MELTF: variants seen among roughly 807,000 people sequenced by gnomAD.
The protein encoded by MELTF is melanotransferrin.
Under a neutral mutation model 83.7 loss-of-function variants are expected in MELTF, and 67 were observed. The ratio of observed to expected loss-of-function variants is 0.80; its 90% CI spans 0.66 to 0.98. The LOEUF (loss-of-function observed/expected upper bound fraction) is 0.98. Ranked by LOEUF, MELTF falls within the 50% of genes least tolerant of loss-of-function variation. The pLI, the probability that MELTF is intolerant of heterozygous loss-of-function variation, is 0.00. For missense variants in MELTF, 1,002 were observed against 1,035.6 expected, an observed-to-expected ratio of 0.97 and a Z score of 0.44; for synonymous variants, 462 against 447.6, an observed-to-expected ratio of 1.03 and a Z score of -0.41.
chr3:197,021,708 C>T (rs564633137), intron 5 of MELTF, among the ~76,000 whole-genome samples: 4 of 152,332 alleles, frequency 2.6e-5, no homozygotes, highest in Middle Eastern at 3.4e-3. Context: ...CACAGGGCTG[C>T]TCTGAGGATG....
Position 197,010,698 on chromosome 3 carries a change from G to A in MELTF, c.1330C>T (p.Pro444Ser), listed in dbSNP as rs762942426. The change falls in exon 10 of 16, where the codon CCG (proline) becomes TCG (serine). Residue 444 changes from proline to serine, a missense_variant and splice_region_variant. Transcript: ENST00000296350. ...GCCAGGCGGCAGGCCCTGCACTCAC[G>A]GGCATAGTGCTCCCCGGCTGCGGGA... ...LVPAAGEHYA[P>S]EDSSNSYYVV... The A allele has an allele frequency of 2.0e-5, 32 of 1,612,004 alleles. No individual in the cohort carries two copies. The highest frequency in any genetic ancestry group is 1.7e-4 in the African/African-American group (13 of 74,918).
chr3:197,009,326 A>G (rs1423369896), intron 11 of MELTF, among the ~76,000 whole-genome samples: 1 of 152,152 alleles, frequency 6.6e-6, no homozygotes, highest in Non-Finnish European at 1.5e-5. Flanking sequence ...GTCAGTGGTT[A>G]GAAAAAAAAG....
chr3:197,015,413 G>A lies in MELTF; in HGVS notation c.1185C>T (p.Ile395=). The A allele has an allele frequency of 6.3e-7, 1 of 1,590,798 alleles. No homozygotes were observed. The highest frequency in any genetic ancestry group is 1.1e-5 in the South Asian group (1 of 87,278). ...AFRRQRLKPE[I]QCVSAKSPQH... is the part of the protein sequence containing the mutation. ...GGGGGGACTTGGCTGACACGCACTG[G>A]ATCTCTGGCTTGAGCCGCTGCCGGC... The change falls in exon 9 of 16, where the codon ATC becomes ATT. Residue 395 remains isoleucine, a synonymous_variant. Transcript: ENST00000296350.
chr3:197,015,535 G>A lies in MELTF; in HGVS notation c.1082-19C>T. ...GGCAGCCCTGGGGTGGGGCAAGCAA[G>A]CGGTCACTGCCAGGCCAGTACTGCC... On this transcript the variant is annotated intron_variant, in intron 8 of 15. Coordinates refer to ENST00000296350, the MANE Select transcript of MELTF (RefSeq NM_005929.6). The A allele has an allele frequency of 6.2e-7, 1 of 1,603,418 alleles. No homozygotes were observed. Among genetic ancestry groups the A allele is most frequent in the South Asian group, 1.1e-5 (1 of 89,706 alleles).
At chr3:197,012,904 G>T (rs1002516363) in intron 9 of MELTF, among the ~76,000 whole-genome samples, 1 of 152,250 alleles carries the variant, frequency 6.6e-6, no homozygotes, top group African/African-American at 2.4e-5. Context: ...GGTACCATTT[G>T]TGTCATATCT....
Position 197,003,921 on chromosome 3 carries a change from G to A in MELTF, c.2117C>T (p.Ser706Phe), listed in dbSNP as rs1444502078. The A allele has an allele frequency of 4.3e-6, 7 of 1,613,746 alleles. No homozygotes were observed. Among genetic ancestry groups the A allele is most frequent in the South Asian group, 1.1e-5 (1 of 91,092 alleles). ...CCTACCTGCGCCCGAGCACTGCTGA[G>A]ACGACATCCCTTCCAGCGCCGCCAC... ...DYVAALEGMS[S>F]QQCSGAAAPA... is the part of the protein sequence containing the mutation. Residue 706 changes from serine (S) to phenylalanine (F), a missense_variant, in exon 15 of 16, where the codon TCT becomes TTT. Coordinates refer to ENST00000296350, the MANE Select transcript of MELTF (RefSeq NM_005929.6). The surrounding 1 kb of genome is among the most constrained non-coding windows in gnomAD (Gnocchi z 6.2).
rs1267381486 is a variant in MELTF at position 197,006,090 on chromosome 3, G to A, written c.1938+459C>T. On this transcript the variant is annotated intron_variant, in intron 14 of 15. Transcript: ENST00000296350. The surrounding 1 kb of genome is among the most constrained non-coding windows in gnomAD (Gnocchi z 5.4). ...GAAAAAATTAGCCAGGCATGGTGGC[G>A]GGTGCCTGTAGTCCCAGCTACTCAG... Among the ~76,000 whole-genome samples the A allele has an allele frequency of 3.3e-5, 5 of 152,238 alleles. No homozygotes were observed. Among genetic ancestry groups the A allele is most frequent in the African/African-American group, 7.2e-5 (3 of 41,550 alleles).
intron 6 of MELTF, chr3:197,019,087 C>CA: frequency 1.0e-6 from 1 of 985,532 alleles, no homozygotes. Flanking sequence ...AAACCAAACA[C>CA]CCGCACCAGA....
rs41284047 is a variant in MELTF, at chr3:197,009,704, A to G, written c.1439T>C (p.Phe480Ser). The change falls in exon 11 of 16, where the codon TTC (phenylalanine) becomes TCC (serine). Residue 480 changes from phenylalanine (F) to serine (S), a missense_variant. Phe to Ser is a radical substitution (Grantham distance 155, BLOSUM62 -2). Transcript: ENST00000296350. The stretch of plus-strand genomic sequence containing the variant: ...GACATCCCAGCCTGCAGGGCTGCCG[A>G]AACCGGCGTGGCAGGAGCGCTTGCC... The part of the protein sequence containing the change: ...LRGKRSCHAG[F>S]GSPAGWDVPV... The G allele has an allele frequency of 0.018, 29,648 of 1,613,756 alleles. 344 individuals carry two copies. The highest frequency in any genetic ancestry group is 0.03 in the Middle Eastern group (179 of 6,062).
intron 9 of MELTF, among the ~76,000 whole-genome samples, chr3:197,013,567 A>G (rs962366176): frequency 2.0e-5 from 3 of 152,250 alleles, no homozygotes; most frequent in Non-Finnish European, 2.9e-5. Context: ...GAAAACAACG[A>G]ACAGAGTGAA....
intron 9 of MELTF, among the ~76,000 whole-genome samples, chr3:197,014,956 C>T (rs1430068737): frequency 6.6e-6 from 1 of 152,176 alleles, no homozygotes; most frequent in Non-Finnish European, 1.5e-5. Flanking sequence ...AAAAAAAAGT[C>T]GAACAATGAT....
chr3:197,012,076 C>T (rs960224889), intron 9 of MELTF, among the ~76,000 whole-genome samples: 14 of 152,248 alleles, frequency 9.2e-5, no homozygotes, highest in African/African-American at 2.7e-4. Context: ...CACCGTCACA[C>T]ACAGTCGCGC....
In MELTF at chr3:197,024,462, C is replaced by CGGCGT. The variant is rs772996856; in HGVS notation, c.323_327dup (p.Val110ThrfsTer12). The CGGCGT allele has an allele frequency of 1.1e-4, 169 of 1,597,724 alleles. No individual in the cohort carries two copies. The highest frequency in any genetic ancestry group is 1.4e-4 in the Non-Finnish European group (161 of 1,168,994). ...TGGGAGCTCCTCCTGACCACAGCCA[C>CGGCGT]GGCGTAATAGGAGGTACCGACCTCT... On this transcript the variant is annotated frameshift_variant, in exon 4 of 16. Coordinates refer to ENST00000296350, the MANE Select transcript of MELTF (RefSeq NM_005929.6). LOFTEE classifies it high-confidence loss of function. The surrounding 1 kb of genome is among the most constrained non-coding windows in gnomAD (Gnocchi z 5.3).
chr3:197,005,235 G>A (rs537782625), intron 14 of MELTF, among the ~76,000 whole-genome samples: 2 of 152,344 alleles, frequency 1.3e-5, no homozygotes, highest in South Asian at 2.1e-4. Context: ...TGTAGAGCAC[G>A]AGAGGAAGAC....
chr3:197,003,812 G>A lies in MELTF; in HGVS notation c.2137+89C>T, dbSNP rs1718871471. 8 of 1,255,740 alleles carry A rather than the reference G, an allele frequency of 6.4e-6. No homozygotes were observed. In the Admixed American group the frequency reaches 1.5e-4, roughly 23 times the overall value. 77.8% of individuals were successfully genotyped at this position (1,255,740 alleles called of 1,614,324 possible). ...CGAACGGGCCTCCACCCGCCTCCCC[G>A]GACCCGCAGCGCCCCCCGCTCCCTC... is the stretch of plus-strand genomic sequence containing the variant. On this transcript the variant is annotated intron_variant, in intron 15 of 15. Transcript: ENST00000296350. The surrounding 1 kb of genome is among the most constrained non-coding windows in gnomAD (Gnocchi z 6.2).
intron 2 of MELTF, chr3:197,027,005 T>G (rs577220775): frequency 8.2e-5 from 42 of 512,444 alleles, no homozygotes; most frequent in African/African-American, 7.2e-4. Flanking sequence ...GACTCAGATA[T>G]CATAGTAAAA....
chr3:197,016,969 C>T lies in MELTF; in HGVS notation c.900+134G>A, dbSNP rs112378631. The T allele has an allele frequency of 1.6e-3, 1,596 of 1,025,828 alleles. 17 individuals carry two copies. In the African/African-American group the frequency reaches 0.024, roughly 15 times the overall value. The allele number at this position is 1,025,828 out of a possible 1,614,324, so 63.5% of individuals were successfully genotyped here. On this transcript the variant is annotated intron_variant, in intron 7 of 15. Coordinates refer to ENST00000296350, the MANE Select transcript of MELTF (RefSeq NM_005929.6). The stretch of plus-strand genomic sequence containing the variant: ...CAGCATAGTCGGTTCCTCACTCTGA[C>T]CTGGCCCGATGCTGGGGTCCGTCCC...
intron 6 of MELTF, chr3:197,019,398 T>C (rs939932297): frequency 7.6e-7 from 1 of 1,317,350 alleles, no homozygotes; most frequent in Non-Finnish European, 9.7e-7. Flanking sequence ...AATCTTTCTG[T>C]ATAAAGTCAC....
At chr3:197,023,236 G>T in intron 4 of MELTF, 123 bp from the exon 5 acceptor site, 1 of 1,012,708 alleles carries the variant, frequency 9.9e-7, no homozygotes, top group Non-Finnish European at 1.5e-6. Context: ...CCACCTTCCA[G>T]CTTCAGTCTG....
Sources: allele counts gnomAD v4.1 joint callset (sites outside exome capture counted in the v4.1 genomes callset), GRCh38; gene constraint gnomAD v4.1.1; non-coding constraint Gnocchi (gnomAD v3.1); transcripts MANE v1.5; gene names NCBI Gene and HGNC (gene_info 2026-07-23, HGNC 2026-07-21).